KCNQ3: variants seen among roughly 807,000 people sequenced by gnomAD.
KCNQ3 encodes the protein potassium voltage-gated channel subfamily Q member 3.
A neutral mutation model predicts 92.5 loss-of-function variants in KCNQ3; 30 were observed. The observed-to-expected ratio is 0.32, with a 90% CI of 0.24 to 0.44. The LOEUF is 0.44. KCNQ3 is among the 20% of genes least tolerant of loss of function. The pLI is 1.00. For synonymous variants in KCNQ3, 450 were observed against 468.8 expected, an observed-to-expected ratio of 0.96 and a Z score of 0.52; for missense variants, 913 against 1,140.3, an observed-to-expected ratio of 0.80 and a Z score of 2.87.
chr8:132,364,720 G>T (rs1819268684), intron 1 of KCNQ3, among the ~76,000 whole-genome samples: 1 of 151,580 alleles, frequency 6.6e-6, no homozygotes, highest in Non-Finnish European at 1.5e-5. Context: ...TGGATGGATG[G>T]ACGATGAATG....
At chr8:132,405,970 C>T (rs1820466471) in intron 1 of KCNQ3, among the ~76,000 whole-genome samples, 1 of 152,146 alleles carries the variant, frequency 6.6e-6, no homozygotes, top group African/African-American at 2.4e-5. Context: ...CAGTCAGCCA[C>T]AGAGAACAAC....
intron 9 of KCNQ3, among the ~76,000 whole-genome samples, chr8:132,146,877 C>T (rs949526440): frequency 6.6e-6 from 1 of 152,160 alleles, no homozygotes; most frequent in Non-Finnish European, 1.5e-5. Context: ...AGATTAGTTT[C>T]AAACTCTTGA....
intron 1 of KCNQ3, among the ~76,000 whole-genome samples, chr8:132,212,012 A>T (rs1294569888): frequency 6.6e-6 from 1 of 152,028 alleles, no homozygotes; most frequent in African/African-American, 2.4e-5. Context: ...GCCACGGCTA[A>T]TAATTGGTAG....
chr8:132,446,793 G>A (rs1039261044), intron 1 of KCNQ3, among the ~76,000 whole-genome samples: 8 of 152,140 alleles, frequency 5.3e-5, no homozygotes, highest in Admixed American at 2.6e-4. Flanking sequence ...CCCAGGCGAC[G>A]GGAGGACAAA....
At position 132,340,303 on chromosome 8, in the gene KCNQ3, C is replaced by T. The variant is rs966179261; in HGVS notation, c.386+139844G>A. 1.8e-4 allele frequency among the ~76,000 whole-genome samples: 28 copies of T among 152,276 alleles called. 1 individual carries two copies. The highest frequency in any genetic ancestry group is 5.9e-4 in the Admixed American group (9 of 15,290). On this transcript the variant is annotated intron_variant, in intron 1 of 14. Transcript: ENST00000388996. The stretch of plus-strand genomic sequence containing the variant: ...TATAAATCATTCTACTATAAGGACG[C>T]ATGCACACATATGTTTATTGCAGGA...
chr8:132,170,556 T>A, intron 7 of KCNQ3, 128 bp from the exon 8 acceptor site: 1 of 684,362 alleles, frequency 1.5e-6, no homozygotes, highest in Non-Finnish European at 2.6e-6. Context: ...TGAGCCAACA[T>A]TCAGAAAAAC....
intron 1 of KCNQ3, among the ~76,000 whole-genome samples, chr8:132,453,786 G>A (rs75356955): frequency 0.029 from 4,356 of 152,208 alleles, 218 homozygotes; most frequent in African/African-American, 0.1. Context: ...GATGGTTGTG[G>A]GGGAACAGCA....
At chr8:132,240,112 A>T (rs573217707) in intron 1 of KCNQ3, among the ~76,000 whole-genome samples, 1 of 151,022 alleles carries the variant, frequency 6.6e-6, no homozygotes, top group East Asian at 2.0e-4. Flanking sequence ...TTCACTACCA[A>T]CTCCTCATGC....
chr8:132,295,862 A>C (rs1817004331), intron 1 of KCNQ3, among the ~76,000 whole-genome samples: 1 of 152,280 alleles, frequency 6.6e-6, no homozygotes, highest in African/African-American at 2.4e-5. Flanking sequence ...GGAGGGGAAC[A>C]ACATGCATCG....
intron 1 of KCNQ3, among the ~76,000 whole-genome samples, chr8:132,360,821 A>C (rs1819144558): frequency 6.6e-6 from 1 of 152,178 alleles, no homozygotes; most frequent in African/African-American, 2.4e-5. Context: ...CGAAGGTATA[A>C]ACTTGATATC....
At chr8:132,246,673 G>A (rs1199277910) in intron 1 of KCNQ3, among the ~76,000 whole-genome samples, 1 of 152,174 alleles carries the variant, frequency 6.6e-6, no homozygotes, top group African/African-American at 2.4e-5. Context: ...ATTTAATGGA[G>A]GATTCCACTT....
At chr8:132,238,474 C>T (rs1177859371) in intron 1 of KCNQ3, among the ~76,000 whole-genome samples, 1 of 152,126 alleles carries the variant, frequency 6.6e-6, no homozygotes, top group Non-Finnish European at 1.5e-5. Flanking sequence ...TGCCCAGAAG[C>T]CTCTCTCAGG....
At chr8:132,304,355 T>C (rs1817351341) in intron 1 of KCNQ3, among the ~76,000 whole-genome samples, 1 of 152,216 alleles carries the variant, frequency 6.6e-6, no homozygotes, top group African/African-American at 2.4e-5. Flanking sequence ...AAAATGAAGC[T>C]GCACACGTTT....
intron 1 of KCNQ3, among the ~76,000 whole-genome samples, chr8:132,408,677 G>C (rs1051692694): frequency 2.0e-5 from 3 of 152,162 alleles, no homozygotes; most frequent in Non-Finnish European, 4.4e-5. Flanking sequence ...GATTATCCTG[G>C]GTGGGCCTGA....
chr8:132,235,031 A>C, intron 1 of KCNQ3, among the ~76,000 whole-genome samples: 1 of 152,340 alleles, frequency 6.6e-6, no homozygotes, highest in Middle Eastern at 3.4e-3. Flanking sequence ...TATGTGAATT[A>C]TATGTAAAAA....
chr8:132,329,031 G>A (rs1400736204), intron 1 of KCNQ3, among the ~76,000 whole-genome samples: 1 of 152,154 alleles, frequency 6.6e-6, no homozygotes, highest in Non-Finnish European at 1.5e-5. Flanking sequence ...CCTACTAAGT[G>A]CCAGGCATTC....
intron 1 of KCNQ3, among the ~76,000 whole-genome samples, chr8:132,425,364 T>C (rs4736579): frequency 6.6e-6 from 1 of 152,216 alleles, no homozygotes; most frequent in African/African-American, 2.4e-5. Flanking sequence ...GCTGGGTGCC[T>C]TGAGACAAGT....
At chr8:132,159,757 T>A (rs1825925844) in intron 9 of KCNQ3, among the ~76,000 whole-genome samples, 1 of 152,206 alleles carries the variant, frequency 6.6e-6, no homozygotes, top group Non-Finnish European at 1.5e-5. Flanking sequence ...GCTGCCTATG[T>A]GAACCAGTAC....
chr8:132,287,801 A>T (rs190561189), intron 1 of KCNQ3, among the ~76,000 whole-genome samples: 3 of 152,352 alleles, frequency 2.0e-5, no homozygotes, highest in Non-Finnish European at 2.9e-5. Flanking sequence ...TGAGATGGGT[A>T]ATAACTGCTT....
Sources: allele counts gnomAD v4.1 joint callset (sites outside exome capture counted in the v4.1 genomes callset), GRCh38; gene constraint gnomAD v4.1.1; transcripts MANE v1.5; gene names NCBI Gene and HGNC (gene_info 2026-07-23, HGNC 2026-07-21).